The following OCA2 variants were observed in gnomAD, a reference collection of about 807,000 sequenced individuals.
OCA2 encodes the protein OCA2 melanosomal transmembrane protein.
Under a neutral mutation model 100.2 loss-of-function variants are expected in OCA2, and 77 were observed. The observed-to-expected ratio is 0.77, with a 90% CI of 0.64 to 0.93. The LOEUF (loss-of-function observed/expected upper bound fraction) is 0.93. Among genes scored for constraint, OCA2 ranks in the 40% least tolerant of loss-of-function variants. The pLI is 0.00. For missense variants in OCA2, 1,062 were observed against 1,089.1 expected, an observed-to-expected ratio of 0.98 and a Z score of 0.35; for synonymous variants, 432 against 439.2, an observed-to-expected ratio of 0.98 and a Z score of 0.21.
intron 7 of OCA2, among the ~76,000 whole-genome samples, chr15:28,017,225 G>C (rs1020066098): frequency 1.2e-4 from 18 of 152,238 alleles, no homozygotes; most frequent in Middle Eastern, 3.4e-3. Context: ...GAGCGTATCT[G>C]GGGGGAAAAA....
chr15:28,086,233 T>C (rs1400035565), intron 1 of OCA2, among the ~76,000 whole-genome samples: 1 of 152,226 alleles, frequency 6.6e-6, no homozygotes, highest in Non-Finnish European at 1.5e-5. Flanking sequence ...GGAGGCCAAA[T>C]GGAGAGTCAG....
chr15:27,784,229 G>C (rs2032692094), intron 23 of OCA2, among the ~76,000 whole-genome samples: 1 of 152,146 alleles, frequency 6.6e-6, no homozygotes, highest in Admixed American at 6.5e-5. Context: ...AAAACACATT[G>C]GTAAAAATGC....
At chr15:27,876,531 C>T (rs1344280851) in intron 19 of OCA2, among the ~76,000 whole-genome samples, 1 of 151,942 alleles carries the variant, frequency 6.6e-6, no homozygotes, top group East Asian at 1.9e-4. Context: ...ATTTCTTACT[C>T]AATGTTTGAG....
At chr15:27,850,005 C>T (rs2035687365) in intron 22 of OCA2, among the ~76,000 whole-genome samples, 2 of 152,068 alleles carry the variant, frequency 1.3e-5, no homozygotes, top group Non-Finnish European at 2.9e-5. Flanking sequence ...ATTCATTATT[C>T]GCTGCATCCC....
chr15:27,849,160 T>G (rs1399402916), intron 22 of OCA2, among the ~76,000 whole-genome samples: 1 of 145,776 alleles, frequency 6.9e-6, no homozygotes. Flanking sequence ...CACAGCCACA[T>G]GCTGCCTGGA....
intron 23 of OCA2, among the ~76,000 whole-genome samples, chr15:27,810,498 T>C (rs2034033241): frequency 6.6e-6 from 1 of 152,182 alleles, no homozygotes; most frequent in Non-Finnish European, 1.5e-5. Context: ...AAAATGAAAG[T>C]AAATAAATGG....
chr15:27,800,281 T>TTGGAAG (rs1269517053), intron 23 of OCA2, among the ~76,000 whole-genome samples: 1 of 151,318 alleles, frequency 6.6e-6, no homozygotes, highest in Non-Finnish European at 1.5e-5. Context: ...TCAGCTTCCA[T>TTGGAAG]CTGAAAAAAC....
At chr15:27,878,415 C>G (rs1380527335) in intron 19 of OCA2, among the ~76,000 whole-genome samples, 1 of 152,120 alleles carries the variant, frequency 6.6e-6, no homozygotes, top group African/African-American at 2.4e-5. Flanking sequence ...GAATTCCAGT[C>G]ATTTCCTCCA....
chr15:28,047,281 G>A (rs190554561), intron 2 of OCA2, among the ~76,000 whole-genome samples: 1 of 152,178 alleles, frequency 6.6e-6, no homozygotes, highest in Non-Finnish European at 1.5e-5. Context: ...ATTCAGAAGA[G>A]AGTGTGGCTC....
At chr15:27,924,344 T>A (rs574178486) in intron 19 of OCA2, among the ~76,000 whole-genome samples, 1 of 152,358 alleles carries the variant, frequency 6.6e-6, no homozygotes, top group Middle Eastern at 3.4e-3. Context: ...GATCTCCATA[T>A]AAGTAGACCC....
chr15:27,963,442 T>G (rs1281362437), intron 15 of OCA2, among the ~76,000 whole-genome samples: 3 of 152,176 alleles, frequency 2.0e-5, no homozygotes, highest in Non-Finnish European at 4.4e-5. Flanking sequence ...TATATTCTCT[T>G]ACTACAGTGG....
At chr15:27,738,420 C>T in the OCA2 span, among the ~76,000 whole-genome samples, 6 of 152,176 alleles carry the variant, frequency 3.9e-5, no homozygotes, top group East Asian at 1.9e-4. Flanking sequence ...CAAAATCACA[C>T]GATGCGCTTC....
intron 4 of OCA2, among the ~76,000 whole-genome samples, chr15:28,027,474 C>G (rs886239273): frequency 6.6e-6 from 1 of 152,232 alleles, no homozygotes; most frequent in Non-Finnish European, 1.5e-5. Flanking sequence ...GGGAACCCCA[C>G]CCCTCAGGCT....
intron 22 of OCA2, among the ~76,000 whole-genome samples, chr15:27,845,785 GCA>G (rs2035510840): frequency 6.6e-6 from 1 of 152,170 alleles, no homozygotes; most frequent in African/African-American, 2.4e-5. Flanking sequence ...TGATGTCCGT[GCA>G]CACACGGTTG....
intron 1 of OCA2, among the ~76,000 whole-genome samples, chr15:28,083,167 G>A (rs1034290582): frequency 6.6e-6 from 1 of 152,210 alleles, no homozygotes; most frequent in African/African-American, 2.4e-5. Flanking sequence ...CATGAGCACA[G>A]AATTCCAGTG....
chr15:27,739,440 CTTTTTTTTTT>C, the OCA2 span, among the ~76,000 whole-genome samples: 2,768 of 100,186 alleles, frequency 0.028, 45 homozygotes, highest in Non-Finnish European at 0.036. Context: ...TAATTTCTTT[CTTTTTTTTTT>C]TTTTTTTTTT....
chr15:28,003,039 T>C (rs1448329978), intron 9 of OCA2, among the ~76,000 whole-genome samples: 1 of 152,246 alleles, frequency 6.6e-6, no homozygotes, highest in Non-Finnish European at 1.5e-5. Flanking sequence ...ATTTCAGTTC[T>C]GAAGTGATGA....
intron 4 of OCA2, among the ~76,000 whole-genome samples, chr15:28,025,361 T>C (rs1174135802): frequency 1.3e-5 from 2 of 152,224 alleles, no homozygotes; most frequent in Non-Finnish European, 2.9e-5. Flanking sequence ...ATGCCGTTAC[T>C]GGTTGTACCA....
chr15:28,081,768 C>G lies in OCA2; in HGVS notation c.107G>C (p.Arg36Pro), dbSNP rs143429491. Residue 36 changes from arginine to proline, a missense_variant, in exon 2 of 24, where the codon CGC (arginine) becomes CCC (proline). Arg to Pro is a moderately radical substitution (Grantham distance 103). Coordinates refer to ENST00000354638, the MANE Select transcript of OCA2 (RefSeq NM_000275.3). ...TCCACCGGCTCCCCGAGGAAGCCTGCGCTTGCCGGCCACAAGTTCAGCGAG... is the reference window on the plus strand; with the variant it reads ...TCCACCGGCTCCCCGAGGAAGCCTGGGCTTGCCGGCCACAAGTTCAGCGAG... ...SGLAELVAGK[R>P]RLPRGAGGAD... 2 of 1,613,262 alleles carry G rather than the reference C, an allele frequency of 1.2e-6. No individual in the cohort carries two copies. Among genetic ancestry groups the G allele is most frequent in the Non-Finnish European group, 1.7e-6 (2 of 1,179,852 alleles).
Sources: gnomAD v4.1 joint callset for allele counts (sites outside exome capture counted in the v4.1 genomes callset) on GRCh38, gnomAD v4.1.1 for gene constraint, MANE v1.5 for transcripts, NCBI Gene and HGNC (gene_info 2026-07-23, HGNC 2026-07-21) for gene names.